Variants in NOP58 observed in about 807,000 individuals in gnomAD.
The protein encoded by NOP58 is nucleolar protein 58.
NOP58 carries 44 observed loss-of-function variants against 71.2 expected under a neutral mutation model. The observed-to-expected ratio is 0.62, with a 90% CI of 0.49 to 0.79. NOP58 has a LOEUF of 0.79. Ranked by LOEUF, NOP58 falls within the 30% of genes least tolerant of loss-of-function variation. The pLI, the probability that NOP58 is intolerant of heterozygous loss-of-function variation, is 0.00. For synonymous variants in NOP58, 228 were observed against 200.3 expected, an observed-to-expected ratio of 1.14 and a Z score of -1.17; for missense variants, 538 against 620.2, an observed-to-expected ratio of 0.87 and a Z score of 1.41.
intron 4 of NOP58, among the ~76,000 whole-genome samples, chr2:202,282,928 G>A (rs746513198): frequency 4.6e-5 from 7 of 152,020 alleles, no homozygotes; most frequent in African/African-American, 9.7e-5. Context: ...AGAACAATTC[G>A]GGCGGGGCGC....
intron 2 of NOP58, chr2:202,275,751 CT>C (rs1293716735): frequency 6.6e-6 from 1 of 152,408 alleles, no homozygotes; most frequent in Non-Finnish European, 1.5e-5. Context: ...TCACTGCAAC[CT>C]CCGCCTCCTG....
chr2:202,276,393 C>CTTCTT (rs757996265), intron 2 of NOP58: 1 of 413,336 alleles, frequency 2.4e-6, no homozygotes, highest in South Asian at 1.8e-5. Flanking sequence ...ACTAGTTTTC[C>CTTCTT]TTCTTAAAGG....
intron 12 of NOP58, among the ~76,000 whole-genome samples, chr2:202,299,390 G>T (rs1689052568): frequency 6.6e-6 from 1 of 152,152 alleles, no homozygotes; most frequent in South Asian, 2.1e-4. Context: ...ATGTGTTTCT[G>T]TGGGCATTCA....
intron 2 of NOP58, among the ~76,000 whole-genome samples, chr2:202,276,244 G>A (rs1688587025): frequency 6.6e-6 from 1 of 151,832 alleles, no homozygotes; most frequent in African/African-American, 2.4e-5. Flanking sequence ...GGAAGCTGAG[G>A]CAGGAAAATC....
intron 12 of NOP58, among the ~76,000 whole-genome samples, chr2:202,299,566 C>G (rs917197761): frequency 2.0e-5 from 3 of 152,116 alleles, no homozygotes; most frequent in Non-Finnish European, 2.9e-5. Context: ...GCTTACAGGT[C>G]TGCTTAAAAA....
intron 1 of NOP58, among the ~76,000 whole-genome samples, chr2:202,267,495 C>G (rs867392789): frequency 1.3e-5 from 2 of 152,172 alleles, no homozygotes; most frequent in Non-Finnish European, 2.9e-5. Flanking sequence ...TTTTAAGGAA[C>G]TTGTAAGTAA....
chr2:202,276,434 G>T (rs749622358), intron 2 of NOP58: 1 of 508,442 alleles, frequency 2.0e-6, no homozygotes, highest in South Asian at 1.4e-5. Context: ...AATCTGATTC[G>T]TTGTTGTCAA....
intron 6 of NOP58, 134 bp from the exon 7 acceptor site, chr2:202,290,189 C>T (rs566138417): frequency 9.5e-6 from 6 of 632,984 alleles, no homozygotes; most frequent in South Asian, 2.2e-5. Flanking sequence ...CTTCTGACTT[C>T]GTGATATGCC....
At chr2:202,266,088 T>A (rs1402523649) in intron 1 of NOP58, 102 bp downstream of exon 1, 2 of 1,357,976 alleles carry the variant, frequency 1.5e-6, no homozygotes, top group African/African-American at 2.9e-5. Flanking sequence ...CGTGGGTGCC[T>A]GTTATAGCCC....
At chr2:202,269,720 G>T (rs966474265) in intron 1 of NOP58, among the ~76,000 whole-genome samples, 1 of 151,844 alleles carries the variant, frequency 6.6e-6, no homozygotes, top group Non-Finnish European at 1.5e-5. Context: ...CAGCCTGGGC[G>T]ACAGGGCAAG....
chr2:202,282,248 C>A, intron 3 of NOP58, 103 bp from the exon 4 acceptor site: 1 of 800,710 alleles, frequency 1.2e-6, no homozygotes, highest in Non-Finnish European at 2.0e-6. Context: ...TAAATTCAAG[C>A]CCTTTGAAAG....
chr2:202,289,209 C>T (rs940970131), intron 6 of NOP58, among the ~76,000 whole-genome samples: 1 of 152,118 alleles, frequency 6.6e-6, no homozygotes, highest in African/African-American at 2.4e-5. Context: ...GTTGCTTGTA[C>T]ACCTATGTTC....
chr2:202,292,927 A>G (rs764455019), intron 9 of NOP58, 24 bp downstream of exon 9: 1 of 1,612,948 alleles, frequency 6.2e-7, no homozygotes, highest in Non-Finnish European at 8.5e-7. Flanking sequence ...TGTAATTTGT[A>G]AATATGAGTG....
intron 1 of NOP58, among the ~76,000 whole-genome samples, chr2:202,267,668 T>C (rs1431632319): frequency 6.6e-6 from 1 of 152,192 alleles, no homozygotes; most frequent in Non-Finnish European, 1.5e-5. Context: ...TTAATTGCCG[T>C]AGTATACTGT....
chr2:202,283,039 C>A (rs1488337320), intron 4 of NOP58, among the ~76,000 whole-genome samples: 1 of 152,114 alleles, frequency 6.6e-6, no homozygotes, highest in Non-Finnish European at 1.5e-5. Flanking sequence ...CAGTGAAACC[C>A]TGTCTCTACT....
intron 8 of NOP58, 83 bp from the exon 9 acceptor site, chr2:202,292,694 T>C: frequency 9.2e-7 from 1 of 1,081,946 alleles, no homozygotes; most frequent in Non-Finnish European, 1.4e-6. Flanking sequence ...CTTTCATAAT[T>C]GAGGGCTCCA....
intron 12 of NOP58, among the ~76,000 whole-genome samples, chr2:202,299,607 A>AT (rs1435781489): frequency 6.6e-6 from 1 of 152,060 alleles, no homozygotes; most frequent in Admixed American, 6.6e-5. Context: ...TTTTGAACCA[A>AT]TTTTTTTAAT....
At chr2:202,279,174 G>A (rs540326313) in intron 3 of NOP58, among the ~76,000 whole-genome samples, 1 of 152,314 alleles carries the variant, frequency 6.6e-6, no homozygotes, top group South Asian at 2.1e-4. Context: ...GATATGAACA[G>A]TTCCTAGTCC....
chr2:202,269,911 G>A (rs1688489559), intron 1 of NOP58, among the ~76,000 whole-genome samples: 1 of 152,190 alleles, frequency 6.6e-6, no homozygotes, highest in Admixed American at 6.6e-5. Context: ...TAGGACTGAG[G>A]AAGTGAATTT....
Sources: gnomAD v4.1 joint callset for allele counts (sites outside exome capture counted in the v4.1 genomes callset) on GRCh38, gnomAD v4.1.1 for gene constraint, MANE v1.5 for transcripts, NCBI Gene and HGNC (gene_info 2026-07-23, HGNC 2026-07-21) for gene names.